Variants in SYN3 observed in about 807,000 individuals in gnomAD.
SYN3 encodes the protein synapsin-3.
Under a neutral mutation model 65.8 loss-of-function variants are expected in SYN3, and 35 were observed. The observed-to-expected ratio is 0.53, with a 90% CI of 0.41 to 0.70. The LOEUF is 0.70. Ranked by LOEUF, SYN3 falls within the 30% of genes least tolerant of loss-of-function variation. The pLI is 0.00. For missense variants in SYN3, 680 were observed against 749.0 expected (o/e 0.91, Z 1.08); for synonymous variants, 270 against 292.9 (o/e 0.92, Z 0.80).
At chr22:32,976,593 T>C (rs1047358072) in intron 3 of SYN3, among the ~76,000 whole-genome samples, 11 of 152,134 alleles carry the variant, frequency 7.2e-5, no homozygotes, top group African/African-American at 2.7e-4. Flanking sequence ...AGAGGAGAGT[T>C]TGACATGCCA....
intron 6 of SYN3, chr22:32,849,635 C>T (rs2048163696): frequency 3.0e-6 from 3 of 1,016,626 alleles, no homozygotes; most frequent in Non-Finnish European, 3.0e-6. Context: ...GGGTGTGTGT[C>T]TAAGCACCAG....
intron 7 of SYN3, among the ~76,000 whole-genome samples, chr22:32,546,148 T>TA (rs2146269492): frequency 6.6e-6 from 1 of 152,204 alleles, no homozygotes; most frequent in African/African-American, 2.4e-5. Flanking sequence ...ACCTGGGCAA[T>TA]AAAAAACGGA....
intron 1 of SYN3, chr22:33,057,595 A>C (rs1001396622): frequency 2.6e-5 from 4 of 152,308 alleles, no homozygotes; most frequent in Non-Finnish European, 4.4e-5. Flanking sequence ...AGTCTTCCGC[A>C]CTACCCTGCA....
intron 6 of SYN3, among the ~76,000 whole-genome samples, chr22:32,795,451 G>A (rs1670585230): frequency 5.9e-5 from 9 of 152,196 alleles, no homozygotes; most frequent in Admixed American, 5.9e-4. Flanking sequence ...GGGGACTGAG[G>A]GGAAAAGACA....
chr22:32,616,318 A>G (rs976417925), intron 6 of SYN3, among the ~76,000 whole-genome samples: 4 of 152,078 alleles, frequency 2.6e-5, no homozygotes, highest in Non-Finnish European at 5.9e-5. Flanking sequence ...GGTCTCTGAC[A>G]GAGGGGAAAA....
chr22:32,701,764 C>T (rs191296407), intron 6 of SYN3, among the ~76,000 whole-genome samples: 11 of 152,026 alleles, frequency 7.2e-5, no homozygotes, highest in East Asian at 1.9e-4. Flanking sequence ...CAAACAGTGC[C>T]GCAGTGAGCT....
At chr22:32,603,435 G>A (rs2059315297) in intron 6 of SYN3, among the ~76,000 whole-genome samples, 1 of 151,426 alleles carries the variant, frequency 6.6e-6, no homozygotes, top group Non-Finnish European at 1.5e-5. Flanking sequence ...CAGGGGAATG[G>A]CGTCAATCCA....
intron 1 of SYN3, among the ~76,000 whole-genome samples, chr22:33,012,137 A>T (rs1682177570): frequency 6.6e-6 from 1 of 152,150 alleles, no homozygotes; most frequent in East Asian, 1.9e-4. Flanking sequence ...AACACAGATC[A>T]TTAATTTTAA....
rs1012400490 is a variant in SYN3 at position 32,540,732 on chromosome 22, C to T, written c.917+839G>A. Among the ~76,000 whole-genome samples the T allele has an allele frequency of 3.3e-5, 5 of 152,342 alleles. No individual in the cohort carries two copies. The South Asian group carries it at 1.0e-3, about 32-fold the overall frequency. Reference sequence around the variant, plus strand: ...TCTAGATTCAGCACCTCTATTTCCACTGGGCAATGGCTCTGCCCACACTGC... The same window carrying T: ...TCTAGATTCAGCACCTCTATTTCCATTGGGCAATGGCTCTGCCCACACTGC... On this transcript the variant is annotated intron_variant, in intron 8 of 13. Transcript: ENST00000358763.
At chr22:32,866,021 C>T (rs920992526) in intron 5 of SYN3, among the ~76,000 whole-genome samples, 7 of 152,096 alleles carry the variant, frequency 4.6e-5, no homozygotes, top group African/African-American at 1.4e-4. Context: ...TGATGAGAGA[C>T]GAGGTGGAAG....
At chr22:32,879,537 C>A (rs1246339681) in intron 4 of SYN3, among the ~76,000 whole-genome samples, 2 of 152,150 alleles carry the variant, frequency 1.3e-5, no homozygotes. Flanking sequence ...GGGAAGGGAG[C>A]TCTCTCGGGG....
At chr22:32,942,612 T>C (rs2050975157) in intron 3 of SYN3, among the ~76,000 whole-genome samples, 1 of 151,954 alleles carries the variant, frequency 6.6e-6, no homozygotes, top group African/African-American at 2.4e-5. Context: ...CTTTGACGAG[T>C]TGAGTGAAGA....
intron 6 of SYN3, among the ~76,000 whole-genome samples, chr22:32,856,438 A>G (rs888125771): frequency 3.9e-5 from 6 of 152,124 alleles, no homozygotes; most frequent in African/African-American, 1.4e-4. Context: ...GTGACCGGCC[A>G]CTGGACAGCT....
chr22:33,016,034 C>A (rs1442631267), intron 1 of SYN3, among the ~76,000 whole-genome samples: 1 of 151,952 alleles, frequency 6.6e-6, no homozygotes, highest in African/African-American at 2.4e-5. Context: ...TTAGTTGAGA[C>A]GGGGTTTCAC....
intron 13 of SYN3, among the ~76,000 whole-genome samples, chr22:32,517,382 G>A (rs2057795499): frequency 6.6e-6 from 1 of 152,218 alleles, no homozygotes; most frequent in African/African-American, 2.4e-5. Context: ...CTGACAGCTA[G>A]CACCAACAAC....
At chr22:32,751,529 T>C (rs1018544858) in intron 6 of SYN3, among the ~76,000 whole-genome samples, 2 of 152,148 alleles carry the variant, frequency 1.3e-5, no homozygotes, top group Admixed American at 1.3e-4. Flanking sequence ...GACTCAGCCA[T>C]TGTCAGTCGC....
intron 6 of SYN3, among the ~76,000 whole-genome samples, chr22:32,810,214 A>G (rs1263246468): frequency 6.6e-6 from 1 of 152,180 alleles, no homozygotes; most frequent in Non-Finnish European, 1.5e-5. Flanking sequence ...TAGTGTTTGT[A>G]GCTTCAGAGG....
intron 6 of SYN3, among the ~76,000 whole-genome samples, chr22:32,711,561 C>T (rs1181891102): frequency 6.6e-6 from 1 of 152,124 alleles, no homozygotes; most frequent in Non-Finnish European, 1.5e-5. Flanking sequence ...CTTCAATGTT[C>T]CTGTCCATCC....
chr22:32,993,975 G>T (rs544202246), intron 2 of SYN3, among the ~76,000 whole-genome samples: 1 of 151,908 alleles, frequency 6.6e-6, no homozygotes, highest in Non-Finnish European at 1.5e-5. Context: ...CGAGGGTGAA[G>T]CTCTCCCCTA....
Sources: gnomAD v4.1 joint callset for allele counts (sites outside exome capture counted in the v4.1 genomes callset) on GRCh38, gnomAD v4.1.1 for gene constraint, MANE v1.5 for transcripts, NCBI Gene and HGNC (gene_info 2026-07-23, HGNC 2026-07-21) for gene names.